The following DDAH1 variants were observed in gnomAD, a reference collection of about 807,000 sequenced individuals.
DDAH1 encodes the protein N(G),N(G)-dimethylarginine dimethylaminohydrolase 1.
DDAH1 carries 19 observed loss-of-function variants against 28.8 expected under a neutral mutation model. The observed-to-expected ratio is 0.66, with a 90% CI of 0.46 to 0.97. The LOEUF (loss-of-function observed/expected upper bound fraction) is 0.97. Ranked by LOEUF, DDAH1 falls within the 50% of genes least tolerant of loss-of-function variation. The pLI is 0.00. For synonymous variants in DDAH1, 153 were observed against 154.4 expected (o/e 0.99, Z 0.07); for missense variants, 326 against 375.9 (o/e 0.87, Z 1.10).
chr1:85,379,311 C>T (rs899546007), intron 1 of DDAH1, among the ~76,000 whole-genome samples: 2 of 152,160 alleles, frequency 1.3e-5, no homozygotes, highest in African/African-American at 2.4e-5. Flanking sequence ...TCCACAGCAT[C>T]GGCCTCCCAC....
chr1:85,453,300 T>C (rs1654748552), intron 1 of DDAH1, among the ~76,000 whole-genome samples: 1 of 152,186 alleles, frequency 6.6e-6, no homozygotes, highest in Non-Finnish European at 1.5e-5. Flanking sequence ...GAGGCTTCAG[T>C]TATCCAGCTC....
chr1:85,494,200 C>T (rs1459798515), intron 2 of DDAH1: 1 of 152,256 alleles, frequency 6.6e-6, no homozygotes, highest in East Asian at 1.9e-4. Context: ...AAGGATATCA[C>T]ACATATAAAG....
intron 1 of DDAH1, among the ~76,000 whole-genome samples, chr1:85,362,062 T>C (rs1334486941): frequency 6.6e-6 from 1 of 152,252 alleles, no homozygotes; most frequent in Non-Finnish European, 1.5e-5. Flanking sequence ...GACATGTTTC[T>C]TGTGTTTTAT....
intron 1 of DDAH1, among the ~76,000 whole-genome samples, chr1:85,512,150 C>A (rs1657264098): frequency 6.6e-6 from 1 of 152,198 alleles, no homozygotes; most frequent in African/African-American, 2.4e-5. Flanking sequence ...GCTTATCCAT[C>A]ACGATCAAGT....
At chr1:85,352,513 G>A (rs531458593) in intron 2 of DDAH1, among the ~76,000 whole-genome samples, 6 of 152,128 alleles carry the variant, frequency 3.9e-5, no homozygotes, top group African/African-American at 9.7e-5. Flanking sequence ...TGATTGTTTT[G>A]AGCTGTATGG....
chr1:85,467,206 G>T (rs1055598097), upstream of DDAH1: 1 of 152,146 alleles, frequency 6.6e-6, no homozygotes, highest in African/African-American at 2.4e-5. Context: ...ACTTCATTCT[G>T]CTCTTTACTG....
intron 1 of DDAH1, among the ~76,000 whole-genome samples, chr1:85,361,955 A>AT (rs1474022535): frequency 1.3e-5 from 2 of 152,202 alleles, no homozygotes; most frequent in Non-Finnish European, 2.9e-5. Context: ...TAAATATTGT[A>AT]TTTTTTATGA....
At position 85,434,439 on chromosome 1, in the gene DDAH1, G is replaced by A. The variant is rs115233310; in HGVS notation, c.303+30304C>T. On this transcript the variant is annotated intron_variant, in intron 1 of 5. Transcript: ENST00000284031. ...TGTGTTTTGTTTTTTTTTTGAGACA[G>A]GGTGTCTCTCTCTGTCACCCAGGCT... Among the ~76,000 whole-genome samples, 1,368 of 151,190 alleles carry A rather than the reference G, an allele frequency of 9.0e-3. 19 individuals are homozygous for A. Among genetic ancestry groups the A allele is most frequent in the African/African-American group, 0.032 (1,310 of 41,240 alleles).
chr1:85,576,198 G>T (rs977570556), intron 1 of DDAH1, among the ~76,000 whole-genome samples: 1 of 152,156 alleles, frequency 6.6e-6, no homozygotes, highest in Non-Finnish European at 1.5e-5. Context: ...CCCAACCTAT[G>T]TGAACCCTAT....
chr1:85,329,493 T>G (rs188824173), intron 4 of DDAH1, among the ~76,000 whole-genome samples: 110 of 152,358 alleles, frequency 7.2e-4, no homozygotes, highest in African/African-American at 2.5e-3. Context: ...GGTGGGGACA[T>G]TCCTATACTT....
chr1:85,362,226 C>T (rs1398155443), intron 1 of DDAH1, among the ~76,000 whole-genome samples: 1 of 151,930 alleles, frequency 6.6e-6, no homozygotes, highest in Non-Finnish European at 1.5e-5. Context: ...CTCCTGGAAG[C>T]TGTCAAGACA....
Position 85,464,755 on chromosome 1 carries a change from G to T in DDAH1, c.291C>A (p.Ser97Arg). ...AGTCGGCAGTTACCTCCTTCCTCCG[G>T]CTCGGCGCCCCGGGTCGGGTGATGA... Reference protein sequence around the residue: ...TALITRPGAPSRRKEVDMMKE... With the variant: ...TALITRPGAPRRRKEVDMMKE... The change falls in exon 1 of 6, where the codon AGC becomes AGA. Residue 97 changes from serine to arginine, a missense_variant. By Grantham distance (110) the Ser-to-Arg change is moderately radical. Transcript: ENST00000284031. This position sits in a 1 kb window ranked among gnomAD's most constrained non-coding sequence, Gnocchi z 4.4. 1.3e-6 allele frequency: 2 copies of T among 1,548,622 alleles called. No individual in the cohort carries two copies. Among genetic ancestry groups the T allele is most frequent in the Non-Finnish European group, 1.7e-6 (2 of 1,152,824 alleles).
At chr1:85,325,335 G>C (rs550036414) in intron 4 of DDAH1, among the ~76,000 whole-genome samples, 1 of 149,440 alleles carries the variant, frequency 6.7e-6, no homozygotes, top group South Asian at 2.2e-4. Flanking sequence ...AACACCACAC[G>C]TGTGTGCATG....
intron 1 of DDAH1, among the ~76,000 whole-genome samples, chr1:85,454,962 A>G (rs1654821477): frequency 6.6e-6 from 1 of 152,198 alleles, no homozygotes; most frequent in Non-Finnish European, 1.5e-5. Context: ...CCTTTCGACT[A>G]GGGCCCTTCA....
chr1:85,464,618 C>T lies in DDAH1; in HGVS notation c.303+125G>A. 6.6e-7 allele frequency: 1 copy of T among 1,513,638 alleles called. No homozygotes were observed. The highest frequency in any genetic ancestry group is 1.2e-5 in the South Asian group (1 of 81,334). 93.8% of individuals were successfully genotyped at this position (1,513,638 alleles called of 1,614,324 possible). A position where few individuals can be genotyped will look rare whatever the true frequency, so the allele number is the denominator to read the frequency against. The stretch of plus-strand genomic sequence containing the variant: ...CACACACACACACACACACTCGCCC[C>T]CCGACGGGAAGTTGTGAACTACTAG... On this transcript the variant is annotated intron_variant, in intron 1 of 5. Transcript: ENST00000284031. The surrounding 1 kb of genome is among the most constrained non-coding windows in gnomAD (Gnocchi z 4.4).
At chr1:85,506,267 G>C (rs773344050) in intron 1 of DDAH1, among the ~76,000 whole-genome samples, 4 of 152,146 alleles carry the variant, frequency 2.6e-5, no homozygotes, top group Non-Finnish European at 4.4e-5. Context: ...TCCCACCATG[G>C]AGAGAGAAGG....
chr1:85,369,391 A>G (rs922468265), intron 1 of DDAH1, among the ~76,000 whole-genome samples: 3 of 152,182 alleles, frequency 2.0e-5, no homozygotes, highest in East Asian at 3.8e-4. Flanking sequence ...ATAAACAAGT[A>G]TACGGCAAAA....
intron 1 of DDAH1, among the ~76,000 whole-genome samples, chr1:85,385,653 G>A (rs1215986310): frequency 2.0e-5 from 3 of 152,126 alleles, no homozygotes; most frequent in African/African-American, 7.2e-5. Flanking sequence ...GAACAAATGA[G>A]GCCTCATTTT....
At chr1:85,410,166 A>G (rs763358088) in intron 1 of DDAH1, among the ~76,000 whole-genome samples, 51 of 152,122 alleles carry the variant, frequency 3.4e-4, no homozygotes, top group Non-Finnish European at 1.3e-4. Context: ...CTGTAGTCCC[A>G]GCTACACGGG....
Sources: allele counts gnomAD v4.1 joint callset (sites outside exome capture counted in the v4.1 genomes callset), GRCh38; gene constraint gnomAD v4.1.1; non-coding constraint Gnocchi (gnomAD v3.1); transcripts MANE v1.5; gene names NCBI Gene and HGNC (gene_info 2026-07-23, HGNC 2026-07-21).